Variants in DCAF10 observed in about 807,000 individuals in gnomAD.
The protein encoded by DCAF10 is DDB1 and CUL4 associated factor 10.
A neutral mutation model predicts 51.9 loss-of-function variants in DCAF10; 19 were observed. The observed-to-expected ratio is 0.37, with a 90% confidence interval of 0.26 to 0.54. The LOEUF (loss-of-function observed/expected upper bound fraction) is 0.54, where lower values mean the gene tolerates loss of function less well. Among genes scored for constraint, DCAF10 ranks in the 20% least tolerant of loss-of-function variants. The pLI, the probability that DCAF10 is intolerant of heterozygous loss-of-function variation, is 0.87. For synonymous variants in DCAF10, 291 were observed against 297.1 expected (o/e 0.98, Z 0.21); for missense variants, 510 against 730.6 (o/e 0.70, Z 3.48).
At chr9:37,850,494 G>A (rs1441551885) in intron 3 of DCAF10, among the ~76,000 whole-genome samples, 2 of 151,996 alleles carry the variant, frequency 1.3e-5, no homozygotes, top group Non-Finnish European at 2.9e-5. Flanking sequence ...AATGAGCCTG[G>A]AGGACATTAT....
chr9:37,817,344 C>G (rs886449260), intron 1 of DCAF10, among the ~76,000 whole-genome samples: 1 of 152,078 alleles, frequency 6.6e-6, no homozygotes, highest in Non-Finnish European at 1.5e-5. Context: ...GTGGCTCACA[C>G]CTATAATCCC....
At position 37,861,341 on chromosome 9, in the gene DCAF10, A is replaced by G. The variant is rs748034198; in HGVS notation, c.1513A>G (p.Ser505Gly). The G allele has an allele frequency of 3.1e-6, 5 of 1,614,096 alleles. No homozygotes were observed. In the South Asian group the frequency reaches 5.5e-5, roughly 18 times the overall value. The change falls in exon 7 of 7, where the codon AGT becomes GGT. Residue 505 changes from serine to glycine, a missense_variant. This residue lies in a region of DCAF10 where 104 missense variants were observed against 206.2 expected (regional missense o/e 0.50). Transcript: ENST00000377724. This position sits in a 1 kb window ranked among gnomAD's most constrained non-coding sequence, Gnocchi z 4.9. ...IRLLGFDKQC[S>G]ELVDCLPKEA... is the part of the protein sequence containing the mutation. ...CTTGTTGGGATTTGACAAACAGTGC[A>G]GTGAACTTGTTGACTGCTTGCCCAA...
intron 2 of DCAF10, among the ~76,000 whole-genome samples, chr9:37,822,404 G>GATATATATATATATATATATATATAT: frequency 8.0e-6 from 1 of 124,628 alleles, no homozygotes; most frequent in South Asian, 3.3e-4. Flanking sequence ...AAGAAACTGT[G>GATATATATATATATATATATATATAT]ATATATATAT....
intron 3 of DCAF10, among the ~76,000 whole-genome samples, chr9:37,843,827 T>A (rs1484464275): frequency 6.6e-6 from 1 of 152,196 alleles, no homozygotes; most frequent in East Asian, 1.9e-4. Context: ...GATAAACGTA[T>A]ATGGGCTAAA....
chr9:37,801,448 G>C lies in DCAF10; in HGVS notation c.539+43G>C. On this transcript the variant is annotated intron_variant, in intron 1 of 6. Transcript: ENST00000377724. This position sits in a 1 kb window ranked among gnomAD's most constrained non-coding sequence, Gnocchi z 5.5. ...GAGGGCGGGCGCCCGCCTCCGCCCGGCTCTGCTGCCAGCGGACGGCCGTCC... is the reference window on the plus strand; with the variant it reads ...GAGGGCGGGCGCCCGCCTCCGCCCGCCTCTGCTGCCAGCGGACGGCCGTCC... 2 of 1,383,864 alleles carry C rather than the reference G, an allele frequency of 1.4e-6. No homozygotes were observed. The highest frequency in any genetic ancestry group is 1.9e-6 in the Non-Finnish European group (2 of 1,067,672). The allele number at this position is 1,383,864 out of a possible 1,614,324, so 85.7% of individuals were successfully genotyped here.
intron 2 of DCAF10, among the ~76,000 whole-genome samples, chr9:37,824,600 T>C (rs1829800656): frequency 6.7e-6 from 1 of 148,456 alleles, no homozygotes; most frequent in Non-Finnish European, 1.5e-5. Context: ...AAATAGAATA[T>C]AGAAAATGAG....
At chr9:37,851,535 C>CTG (rs1275009942) in intron 3 of DCAF10, among the ~76,000 whole-genome samples, 1 of 150,928 alleles carries the variant, frequency 6.6e-6, no homozygotes, top group Non-Finnish European at 1.5e-5. Context: ...TGGCTCACAC[C>CTG]TGTAATCCCA....
intron 1 of DCAF10, among the ~76,000 whole-genome samples, chr9:37,810,626 T>G (rs1430593003): frequency 6.6e-6 from 1 of 152,108 alleles, no homozygotes; most frequent in African/African-American, 2.4e-5. Flanking sequence ...CACGCCCGGC[T>G]AATTTTTGTA....
intron 2 of DCAF10, among the ~76,000 whole-genome samples, chr9:37,826,614 C>T (rs73646106): frequency 0.011 from 1,612 of 152,202 alleles, 25 homozygotes; most frequent in African/African-American, 0.037. Context: ...GAGTGCCCAC[C>T]ATCAATGAGA....
intron 2 of DCAF10, among the ~76,000 whole-genome samples, chr9:37,827,258 C>T (rs1829880732): frequency 6.6e-6 from 1 of 152,102 alleles, no homozygotes; most frequent in Non-Finnish European, 1.5e-5. Context: ...AATGCTTAGA[C>T]AACAAAGTGA....
At chr9:37,841,981 C>CT in intron 2 of DCAF10, 108 bp from the exon 3 acceptor site, 1 of 1,036,864 alleles carries the variant, frequency 9.6e-7, no homozygotes, top group Non-Finnish European at 1.4e-6. Context: ...GTGTGTAGTC[C>CT]TTTTTTTCTT....
chr9:37,801,433 GC>G lies in DCAF10; in HGVS notation c.539+31del. On this transcript the variant is annotated intron_variant, in intron 1 of 6. Transcript: ENST00000377724. The surrounding 1 kb of genome is among the most constrained non-coding windows in gnomAD (Gnocchi z 5.5). ...AAGCGCGGCCCCTCGGAGGGCGGGC[GC>G]CCGCCTCCGCCCGGCTCTGCTGCCA... The G allele has an allele frequency of 7.1e-7, 1 of 1,404,576 alleles. No homozygotes were observed. Among genetic ancestry groups the G allele is most frequent in the Non-Finnish European group, 9.3e-7 (1 of 1,077,864 alleles). The allele number at this position is 1,404,576 out of a possible 1,614,324, so 87.0% of individuals were successfully genotyped here.
intron 2 of DCAF10, among the ~76,000 whole-genome samples, chr9:37,828,411 G>A (rs1829914904): frequency 6.6e-6 from 1 of 151,564 alleles, no homozygotes; most frequent in South Asian, 2.1e-4. Context: ...GGAGTTCATG[G>A]ACAGCCTGAG....
At chr9:37,827,074 C>T (rs1244530193) in intron 2 of DCAF10, among the ~76,000 whole-genome samples, 1 of 152,082 alleles carries the variant, frequency 6.6e-6, no homozygotes, top group Non-Finnish European at 1.5e-5. Context: ...GATCCACCTG[C>T]CTTGGTCTCC....
At chr9:37,800,591 C>T, upstream of DCAF10, 2 of 1,536,174 alleles carry the variant, frequency 1.3e-6, no homozygotes, top group Non-Finnish European at 8.7e-7. Context: ...TCACTGACAA[C>T]TACAGACCGA....
intron 3 of DCAF10, among the ~76,000 whole-genome samples, chr9:37,847,768 A>G (rs1830521463): frequency 6.6e-6 from 1 of 152,256 alleles, no homozygotes; most frequent in African/African-American, 2.4e-5. Flanking sequence ...TAAGGAACCT[A>G]CCAAGAAATC....
chr9:37,833,235 T>TA (rs1250612101), intron 2 of DCAF10, among the ~76,000 whole-genome samples: 1 of 152,234 alleles, frequency 6.6e-6, no homozygotes, highest in African/African-American at 2.4e-5. Flanking sequence ...GAAGATTAAG[T>TA]AAAAAATGCC....
Position 37,861,647 on chromosome 9 carries a change from G to T in DCAF10, c.*139G>T. 1 of 1,224,074 alleles carries T rather than the reference G, an allele frequency of 8.2e-7. No homozygotes were observed. Among genetic ancestry groups the T allele is most frequent in the Admixed American group, 2.7e-5 (1 of 37,644 alleles). 75.8% of individuals were successfully genotyped at this position (1,224,074 alleles called of 1,614,324 possible). On this transcript the variant is annotated 3_prime_UTR_variant, in exon 7 of 7. Coordinates refer to ENST00000377724, the MANE Select transcript of DCAF10 (RefSeq NM_024345.5). This position sits in a 1 kb window ranked among gnomAD's most constrained non-coding sequence, Gnocchi z 4.9. Reference sequence around the variant, plus strand: ...TTCTTATGGGTCCATGAACACACTTGTGACCTTAGTACTTGGTCATCCAGC... The same window carrying T: ...TTCTTATGGGTCCATGAACACACTTTTGACCTTAGTACTTGGTCATCCAGC...
intron 2 of DCAF10, among the ~76,000 whole-genome samples, chr9:37,821,264 T>C (rs1191367654): frequency 6.6e-6 from 1 of 152,208 alleles, no homozygotes; most frequent in Non-Finnish European, 1.5e-5. Context: ...CTGCATGGTA[T>C]TCCAATGATT....
Sources: gnomAD v4.1 joint callset for allele counts (sites outside exome capture counted in the v4.1 genomes callset) on GRCh38, gnomAD v4.1.1 for gene constraint, gnomAD v4.1.1 regional missense constraint, Gnocchi (gnomAD v3.1) non-coding constraint, MANE v1.5 for transcripts, NCBI Gene and HGNC (gene_info 2026-07-23, HGNC 2026-07-21) for gene names.